Variants in CCSER1 observed in about 807,000 individuals in gnomAD.
CCSER1 encodes coiled-coil serine rich protein 1, also known as serine-rich coiled-coil domain-containing protein 1.
A neutral mutation model predicts 82.0 loss-of-function variants in CCSER1; 41 were observed. The observed-to-expected ratio is 0.50, with a 90% CI of 0.39 to 0.65. The LOEUF (loss-of-function observed/expected upper bound fraction) is 0.65. CCSER1 is among the 30% of genes least tolerant of loss of function. The probability of loss-of-function intolerance (pLI) is 0.00; values close to 1 mark genes in which losing one functional copy is unlikely to be tolerated. For missense variants in CCSER1, 1,119 were observed against 1,064.2 expected, an observed-to-expected ratio of 1.05 and a Z score of -0.72; for synonymous variants, 414 against 383.9, an observed-to-expected ratio of 1.08 and a Z score of -0.92.
At chr4:90,748,551 C>A (rs1417547529) in intron 7 of CCSER1, among the ~76,000 whole-genome samples, 1 of 149,502 alleles carries the variant, frequency 6.7e-6, no homozygotes, top group Non-Finnish European at 1.5e-5. Flanking sequence ...GGTATATACC[C>A]AGTAATGGGA....
chr4:91,244,831 C>G (rs1292037970), intron 10 of CCSER1, among the ~76,000 whole-genome samples: 1 of 151,964 alleles, frequency 6.6e-6, no homozygotes, highest in East Asian at 1.9e-4. Flanking sequence ...GATAAATGAC[C>G]TTTAAGACAG....
chr4:91,165,036 T>C (rs1731882644), intron 10 of CCSER1, among the ~76,000 whole-genome samples: 2 of 152,204 alleles, frequency 1.3e-5, no homozygotes, highest in South Asian at 4.1e-4. Flanking sequence ...ATTTTCAGCT[T>C]TTCTGCTCTG....
At chr4:91,311,882 T>C (rs1036688698) in intron 10 of CCSER1, among the ~76,000 whole-genome samples, 4 of 151,944 alleles carry the variant, frequency 2.6e-5, no homozygotes, top group Admixed American at 1.3e-4. Context: ...AATGAAAGCA[T>C]GGGTTGTTAC....
At chr4:90,981,375 AAT>A (rs1403152993) in intron 9 of CCSER1, among the ~76,000 whole-genome samples, 1 of 151,854 alleles carries the variant, frequency 6.6e-6, no homozygotes, top group Non-Finnish European at 1.5e-5. Flanking sequence ...ATTGAAGTTG[AAT>A]ATTATCTAAA....
At chr4:90,986,803 C>T (rs535058237) in intron 9 of CCSER1, among the ~76,000 whole-genome samples, 4 of 151,806 alleles carry the variant, frequency 2.6e-5, no homozygotes, top group Admixed American at 1.3e-4. Flanking sequence ...TTTACAATTT[C>T]GATATTATTA....
intron 6 of CCSER1, among the ~76,000 whole-genome samples, chr4:90,634,959 G>A (rs1199570508): frequency 5.3e-5 from 8 of 151,794 alleles, no homozygotes; most frequent in South Asian, 2.1e-4. Context: ...CTAAATATAT[G>A]ACATTTCACC....
chr4:91,581,068 A>G (rs1047908696), intron 10 of CCSER1, among the ~76,000 whole-genome samples: 2 of 151,722 alleles, frequency 1.3e-5, no homozygotes, highest in African/African-American at 2.4e-5. Flanking sequence ...TTCCACAGAT[A>G]AGGACTTCAC....
At chr4:90,329,850 AT>A (rs1738953916) in intron 3 of CCSER1, among the ~76,000 whole-genome samples, 1 of 152,086 alleles carries the variant, frequency 6.6e-6, no homozygotes, top group Non-Finnish European at 1.5e-5. Context: ...TTTAATTTGC[AT>A]TTTTTTATTT....
intron 9 of CCSER1, among the ~76,000 whole-genome samples, chr4:90,963,480 A>C (rs1183260553): frequency 2.0e-5 from 3 of 152,180 alleles, no homozygotes; most frequent in African/African-American, 7.2e-5. Context: ...ACAGTAGCTT[A>C]GAATGTGAAT....
chr4:90,231,649 G>T (rs1026616061), intron 1 of CCSER1, among the ~76,000 whole-genome samples: 9 of 150,734 alleles, frequency 6.0e-5, no homozygotes, highest in South Asian at 2.1e-4. Flanking sequence ...AGGAAATAAA[G>T]GGTATTCAAT....
At chr4:91,151,547 T>G (rs1730204907) in intron 10 of CCSER1, among the ~76,000 whole-genome samples, 2 of 152,208 alleles carry the variant, frequency 1.3e-5, no homozygotes, top group Non-Finnish European at 2.9e-5. Flanking sequence ...GCTTCTCTAG[T>G]TGTTTTAATT....
At chr4:91,533,353 A>G (rs969068284) in intron 10 of CCSER1, among the ~76,000 whole-genome samples, 8 of 152,190 alleles carry the variant, frequency 5.3e-5, no homozygotes, top group Admixed American at 2.0e-4. Flanking sequence ...AAGTTTTCCT[A>G]TGATTACAGA....
intron 10 of CCSER1, among the ~76,000 whole-genome samples, chr4:91,246,880 G>GCA (rs1739828584): frequency 6.6e-6 from 1 of 150,930 alleles, no homozygotes. Flanking sequence ...AGCATATGAA[G>GCA]AGACTCAACA....
chr4:91,146,013 T>G (rs1729498034), intron 10 of CCSER1, among the ~76,000 whole-genome samples: 2 of 152,170 alleles, frequency 1.3e-5, no homozygotes, highest in African/African-American at 4.8e-5. Flanking sequence ...GAAAATATGT[T>G]TTCCAAGTGG....
chr4:91,224,198 G>C (rs902849175), intron 10 of CCSER1, among the ~76,000 whole-genome samples: 19 of 152,018 alleles, frequency 1.2e-4, no homozygotes, highest in Non-Finnish European at 2.6e-4. Context: ...ATGCAAGTTA[G>C]CATTGCTGCA....
At position 90,415,195 on chromosome 4, in the gene CCSER1, A is replaced by G. The variant is rs192874597; in HGVS notation, c.1603+15066A>G. Among the ~76,000 whole-genome samples, 242 of 152,322 alleles carry G rather than the reference A, an allele frequency of 1.6e-3. 1 individual carries two copies. Among genetic ancestry groups the G allele is most frequent in the African/African-American group, 5.4e-3 (224 of 41,576 alleles). On this transcript the variant is annotated intron_variant, in intron 4 of 10. Coordinates refer to ENST00000509176, the MANE Select transcript of CCSER1 (RefSeq NM_001145065.2). ...CTTAAATAAAATAATTCTTGTTCCTAAGAACTGAAATGTATTTTGCTCACA... is the reference window on the plus strand; with the variant it reads ...CTTAAATAAAATAATTCTTGTTCCTGAGAACTGAAATGTATTTTGCTCACA...
At chr4:90,363,832 G>A (rs2153520174) in intron 3 of CCSER1, among the ~76,000 whole-genome samples, 1 of 152,144 alleles carries the variant, frequency 6.6e-6, no homozygotes, top group Middle Eastern at 3.4e-3. Flanking sequence ...ATGTTGCCAG[G>A]TAGAGTGTGG....
At position 90,127,427 on chromosome 4, in the gene CCSER1, A is replaced by T. The variant is rs554204056; in HGVS notation, c.-446A>T. ...GGAGCGCGGCCTGCCGGGGAGGTGG[A>T]TCTCGCGCTCCCCACACAGTCACAC... is the stretch of plus-strand genomic sequence containing the variant. On this transcript the variant is annotated 5_prime_UTR_variant, in exon 1 of 11. Coordinates refer to ENST00000509176, the MANE Select transcript of CCSER1 (RefSeq NM_001145065.2). 1 of 152,036 alleles carries T rather than the reference A, an allele frequency of 6.6e-6. No individual in the cohort carries two copies. The highest frequency in any genetic ancestry group is 2.4e-5 in the African/African-American group (1 of 41,362). The allele number at this position is 152,036 out of a possible 1,614,324, so 9.4% of individuals were successfully genotyped here.
In CCSER1 at chr4:90,200,853, T is replaced by C. The variant is rs115957094; in HGVS notation, c.-42+73022T>C. On this transcript the variant is annotated intron_variant, in intron 1 of 10. Coordinates refer to ENST00000509176, the MANE Select transcript of CCSER1 (RefSeq NM_001145065.2). ...ATTGTCAGTACTTATATAGCTCCTA[T>C]GTACTATGTATAATGATGCTTTTTA... Among the ~76,000 whole-genome samples the C allele has an allele frequency of 4.9e-3, 753 of 152,254 alleles. 8 individuals are homozygous for C. Among genetic ancestry groups the C allele is most frequent in the African/African-American group, 0.017 (718 of 41,570 alleles).
Sources: gnomAD v4.1 joint callset for allele counts (sites outside exome capture counted in the v4.1 genomes callset) on GRCh38, gnomAD v4.1.1 for gene constraint, MANE v1.5 for transcripts, NCBI Gene and HGNC (gene_info 2026-07-23, HGNC 2026-07-21) for gene names.